Variants in WRNIP1 observed in about 807,000 individuals in gnomAD.
WRNIP1 encodes the protein ATPase WRNIP1.
Under a neutral mutation model 56.1 loss-of-function variants are expected in WRNIP1, and 41 were observed. The observed-to-expected ratio is 0.73, with a 90% confidence interval of 0.57 to 0.95. The LOEUF (loss-of-function observed/expected upper bound fraction) is 0.95. WRNIP1 is among the 40% of genes least tolerant of loss of function. The probability of loss-of-function intolerance (pLI) is 0.00; values close to 1 mark genes in which losing one functional copy is unlikely to be tolerated. For missense variants in WRNIP1, 1,170 were observed against 939.4 expected (o/e 1.25, Z -3.21); for synonymous variants, 547 against 398.1 (o/e 1.37, Z -4.45).
intron 5 of WRNIP1, among the ~76,000 whole-genome samples, chr6:2,783,833 A>G (rs1765641750): frequency 6.6e-6 from 1 of 152,116 alleles, no homozygotes; most frequent in South Asian, 2.1e-4. Context: ...TTTTACTAAC[A>G]TGAGTGGCTA....
intron 3 of WRNIP1, among the ~76,000 whole-genome samples, chr6:2,770,592 C>T (rs780386552): frequency 3.9e-5 from 6 of 152,214 alleles, no homozygotes; most frequent in Non-Finnish European, 7.3e-5. Context: ...TTCTATAATT[C>T]TTCAAGCTTT....
At chr6:2,766,547 C>T (rs756922371) in intron 1 of WRNIP1, 103 bp downstream of exon 1, 2 of 1,415,418 alleles carry the variant, frequency 1.4e-6, no homozygotes, top group Non-Finnish European at 1.9e-6. Flanking sequence ...AGCCGCCTGC[C>T]TCTCCTGGAT....
intron 4 of WRNIP1, among the ~76,000 whole-genome samples, chr6:2,781,837 G>C (rs1164103456): frequency 6.6e-6 from 1 of 152,236 alleles, no homozygotes; most frequent in Non-Finnish European, 1.5e-5. Context: ...ATACAGCCCT[G>C]TGAGGTAAGT....
chr6:2,774,428 A>G, intron 3 of WRNIP1: 1 of 276,450 alleles, frequency 3.6e-6, no homozygotes, highest in Non-Finnish European at 5.5e-6. Context: ...TCCTTGGCTT[A>G]TGACTATGTC....
chr6:2,776,584 TC>T (rs1467312050), intron 3 of WRNIP1, among the ~76,000 whole-genome samples: 1 of 152,212 alleles, frequency 6.6e-6, no homozygotes, highest in Non-Finnish European at 1.5e-5. Context: ...GACCTTATTT[TC>T]CAACCACATA....
chr6:2,770,611 T>C (rs1374621840), intron 3 of WRNIP1, among the ~76,000 whole-genome samples: 1 of 152,260 alleles, frequency 6.6e-6, no homozygotes, highest in East Asian at 1.9e-4. Flanking sequence ...TTAACTTTGC[T>C]TTGTTGTTTT....
At chr6:2,772,828 C>T (rs544484475) in intron 3 of WRNIP1, among the ~76,000 whole-genome samples, 1 of 152,296 alleles carries the variant, frequency 6.6e-6, no homozygotes, top group South Asian at 2.1e-4. Flanking sequence ...GCTTTCCAAT[C>T]CCTGTTGACA....
chr6:2,765,427 C>A lies in WRNIP1; in HGVS notation c.-196C>A. ...GACACGCCGCGTGAGGCGCTGCCAG[C>A]GGCCGGCCGAGGGCGGGCGGACGCG... On this transcript the variant is annotated 5_prime_UTR_variant, in exon 1 of 7. Transcript: ENST00000380773. 1 of 547,880 alleles carries A rather than the reference C, an allele frequency of 1.8e-6. No individual in the cohort carries two copies. The highest frequency in any genetic ancestry group is 2.6e-6 in the Non-Finnish European group (1 of 379,614). The allele number at this position is 547,880 out of a possible 1,614,324, so 33.9% of individuals were successfully genotyped here.
Position 2,783,437 on chromosome 6 carries a change from G to A in WRNIP1, c.1518G>A (p.Leu506=). 6.2e-7 allele frequency: 1 copy of A among 1,612,522 alleles called. No homozygotes were observed. The highest frequency in any genetic ancestry group is 1.1e-5 in the South Asian group (1 of 90,854). ...AGCATTACAACTGCATCTCCGCCCT[G>A]CACAAGTCCATGCGGGGCTCAGACC... ...GEEHYNCISA[L]HKSMRGSDQN... is the part of the protein sequence containing the mutation. Residue 506 remains leucine, a synonymous_variant, in exon 5 of 7, where the codon CTG becomes CTA. Transcript: ENST00000380773.
chr6:2,786,315 TTACTGGTTTATTCCGC>T lies in WRNIP1; in HGVS notation c.*1036_*1051del, dbSNP rs1765712980. 1.3e-5 allele frequency: 2 copies of T among 152,376 alleles called. No homozygotes were observed. Among genetic ancestry groups the T allele is most frequent in the Non-Finnish European group, 2.9e-5 (2 of 68,158 alleles). The allele number at this position is 152,376 out of a possible 1,614,324, so 9.4% of individuals were successfully genotyped here. ...CATTTTCTGGATGCTCCATCCCGCC[TTACTGGTTTATTCCGC>T]TATTTCAGTGCAACCCATCCTCTAG... On this transcript the variant is annotated 3_prime_UTR_variant, in exon 7 of 7. Transcript: ENST00000380773.
intron 4 of WRNIP1, among the ~76,000 whole-genome samples, chr6:2,782,753 A>G (rs1474613090): frequency 6.6e-6 from 1 of 152,168 alleles, no homozygotes; most frequent in African/African-American, 2.4e-5. Flanking sequence ...TTTCATGTGA[A>G]TCTAGGGTAA....
intron 3 of WRNIP1, among the ~76,000 whole-genome samples, chr6:2,771,239 T>C (rs549042280): frequency 6.6e-6 from 1 of 152,334 alleles, no homozygotes; most frequent in East Asian, 1.9e-4. Flanking sequence ...AGGCATAGTT[T>C]AGGCTCAGGG....
chr6:2,776,721 G>A (rs1765441778), intron 3 of WRNIP1, among the ~76,000 whole-genome samples: 1 of 152,174 alleles, frequency 6.6e-6, no homozygotes, highest in African/African-American at 2.4e-5. Flanking sequence ...GAGGACTAAT[G>A]GAAATGAGGC....
chr6:2,785,173 G>A lies in WRNIP1; in HGVS notation c.1889G>A (p.Gly630Asp), dbSNP rs1317911492. The A allele has an allele frequency of 9.3e-6, 15 of 1,614,060 alleles. No individual in the cohort carries two copies. Among genetic ancestry groups the A allele is most frequent in the Admixed American group, 1.7e-5 (1 of 60,008 alleles). Residue 630 changes from glycine (G) to aspartate (D), a missense_variant, in exon 7 of 7, where the codon GGC becomes GAC. Physicochemically the swap from Gly to Asp is moderately conservative, Grantham distance 94. Transcript: ENST00000380773. ...NAPTRLMKDL[G>D]YGKGYKYNPM... The stretch of plus-strand genomic sequence containing the variant: ...CCCACTAGGCTGATGAAGGATTTGG[G>A]CTATGGCAAAGGCTACAAGTACAAC...
intron 2 of WRNIP1, among the ~76,000 whole-genome samples, chr6:2,769,232 T>TG (rs1315673387): frequency 6.6e-6 from 1 of 152,230 alleles, no homozygotes; most frequent in Admixed American, 6.5e-5. Flanking sequence ...TAATGGGTTT[T>TG]TAAAAATTAC....
chr6:2,778,134 T>A (rs1765474778), intron 3 of WRNIP1, among the ~76,000 whole-genome samples: 1 of 152,164 alleles, frequency 6.6e-6, no homozygotes, highest in South Asian at 2.1e-4. Flanking sequence ...TGAGGAGTTC[T>A]GCATTGATCC....
At position 2,785,580 on chromosome 6, in the gene WRNIP1, T is replaced by G. The variant is rs1415629020; in HGVS notation, c.*298T>G. On this transcript the variant is annotated 3_prime_UTR_variant, in exon 7 of 7. Transcript: ENST00000380773. The stretch of plus-strand genomic sequence containing the variant: ...TTGTCATAGTATTTAAGTCATAATG[T>G]CATTTCAGAATTCAGTTCTGTAGGA... The G allele has an allele frequency of 2.9e-6, 1 of 342,320 alleles. No homozygotes were observed. The highest frequency in any genetic ancestry group is 2.1e-5 in the African/African-American group (1 of 47,566). 21.2% of individuals were successfully genotyped at this position (342,320 alleles called of 1,614,324 possible).
At chr6:2,779,555 A>G in intron 4 of WRNIP1, 63 bp downstream of exon 4, 2 of 1,520,040 alleles carry the variant, frequency 1.3e-6, no homozygotes, top group Admixed American at 2.0e-5. Context: ...ACACATTCTC[A>G]TTTCCGGAAG....
At chr6:2,776,049 T>A (rs1467398842) in intron 3 of WRNIP1, among the ~76,000 whole-genome samples, 1 of 152,138 alleles carries the variant, frequency 6.6e-6, no homozygotes, top group Non-Finnish European at 1.5e-5. Flanking sequence ...AATTGTAAAT[T>A]CTCTAGACTG....
Sources: gnomAD v4.1 joint callset for allele counts (sites outside exome capture counted in the v4.1 genomes callset) on GRCh38, gnomAD v4.1.1 for gene constraint, MANE v1.5 for transcripts, NCBI Gene and HGNC (gene_info 2026-07-23, HGNC 2026-07-21) for gene names.